The following ITPR2 variants were observed in gnomAD, a reference collection of about 807,000 sequenced individuals.
ITPR2 encodes the protein inositol 1,4,5-trisphosphate receptor type 2.
ITPR2 carries 207 observed loss-of-function variants against 317.1 expected under a neutral mutation model. The observed-to-expected ratio is 0.65, with a 90% CI of 0.58 to 0.73. The LOEUF (loss-of-function observed/expected upper bound fraction) is 0.73. ITPR2 is among the 30% of genes least tolerant of loss of function. The pLI is 0.00. For synonymous variants in ITPR2, 1,156 were observed against 1,149.1 expected (o/e 1.01, Z -0.12); for missense variants, 2,613 against 3,284.0 (o/e 0.80, Z 4.99).
rs552466047 is a variant in ITPR2, at chr12:26,631,904, C to T, written c.2896G>A (p.Val966Met). Residue 966 changes from valine to methionine, a missense_variant, in exon 22 of 57, where the codon GTG becomes ATG. This residue lies in a region of ITPR2 where 817 missense variants were observed against 897.6 expected (regional missense o/e 0.91). Coordinates refer to ENST00000381340, the MANE Select transcript of ITPR2 (RefSeq NM_002223.4). Reference sequence around the variant, plus strand: ...ATGATCTTCAGCTTGGTGTCCATCACAGTCACATCCTCGTGCTCGGTGGGG... The same window carrying T: ...ATGATCTTCAGCTTGGTGTCCATCATAGTCACATCCTCGTGCTCGGTGGGG... ...GSPTEHEDVT[V>M]MDTKLKIIEI... is the part of the protein sequence containing the mutation. 6 of 1,614,124 alleles carry T rather than the reference C, an allele frequency of 3.7e-6. No individual in the cohort carries two copies. Among genetic ancestry groups the T allele is most frequent in the Non-Finnish European group, 4.2e-6 (5 of 1,180,020 alleles).
At chr12:26,409,157 T>C (rs1411883999) in intron 52 of ITPR2, among the ~76,000 whole-genome samples, 6 of 152,070 alleles carry the variant, frequency 3.9e-5, no homozygotes, top group South Asian at 2.1e-4. Context: ...TGCTGAAAAA[T>C]GCTGTTTGAC....
intron 45 of ITPR2, among the ~76,000 whole-genome samples, chr12:26,458,339 G>C (rs529609593): frequency 6.6e-6 from 1 of 152,238 alleles, no homozygotes; most frequent in Middle Eastern, 3.4e-3. Flanking sequence ...ATGGAGAAAA[G>C]GGGCTCTGAG....
In ITPR2 at chr12:26,459,745, T is replaced by G. The variant is rs116961717; in HGVS notation, c.6342+15551A>C. Among the ~76,000 whole-genome samples the G allele has an allele frequency of 7.5e-3, 1,136 of 152,322 alleles. 8 individuals carry two copies. The highest frequency in any genetic ancestry group is 0.02 in the Middle Eastern group (6 of 294). On this transcript the variant is annotated intron_variant, in intron 45 of 56. Coordinates refer to ENST00000381340, the MANE Select transcript of ITPR2 (RefSeq NM_002223.4). ...TTCCAATTGATTTTCCCAGGAAATC[T>G]CATCTACATCTGCAATTTCAAACAG...
intron 41 of ITPR2, 21 bp downstream of exon 41, chr12:26,486,083 C>T: frequency 6.2e-7 from 1 of 1,611,794 alleles, no homozygotes. Context: ...TCTCAGCTTT[C>T]ACACAAAACA....
chr12:26,411,451 T>C lies in ITPR2; in HGVS notation c.7307-39A>G, dbSNP rs765389176. 5.1e-6 allele frequency: 7 copies of C among 1,369,658 alleles called. No individual in the cohort carries two copies. In the Admixed American group the frequency reaches 1.0e-4, roughly 20 times the overall value. The allele number at this position is 1,369,658 out of a possible 1,614,324, so 84.8% of individuals were successfully genotyped here. A position where few individuals can be genotyped will look rare whatever the true frequency, so the allele number is the denominator to read the frequency against. On this transcript the variant is annotated intron_variant, in intron 51 of 56. Coordinates refer to ENST00000381340, the MANE Select transcript of ITPR2 (RefSeq NM_002223.4). ...AAGTAGTATATAATATAGAGTCAAA[T>C]ATGCACATGATGAAAACTGAACCTA...
chr12:26,713,682 A>G (rs1350764384), intron 8 of ITPR2, among the ~76,000 whole-genome samples: 1 of 152,220 alleles, frequency 6.6e-6, no homozygotes, highest in African/African-American at 2.4e-5. Context: ...ACTCAGAACC[A>G]ATATTAAATA....
chr12:26,815,937 C>A (rs910314106), intron 1 of ITPR2, among the ~76,000 whole-genome samples: 3 of 151,474 alleles, frequency 2.0e-5, no homozygotes, highest in Non-Finnish European at 4.4e-5. Context: ...ACTAAAAATA[C>A]AAAAAATTAG....
intron 34 of ITPR2, among the ~76,000 whole-genome samples, chr12:26,563,754 G>GT (rs1200542227): frequency 6.6e-6 from 1 of 152,170 alleles, no homozygotes; most frequent in Non-Finnish European, 1.5e-5. Context: ...GAAAGCCTGA[G>GT]TATCATTTGG....
chr12:26,364,592 G>T lies in ITPR2; in HGVS notation c.7857+22842C>A, dbSNP rs115850284. Among the ~76,000 whole-genome samples, 665 of 152,070 alleles carry T rather than the reference G, an allele frequency of 4.4e-3. 7 individuals are homozygous for T. Among genetic ancestry groups the T allele is most frequent in the African/African-American group, 0.015 (626 of 41,464 alleles). On this transcript the variant is annotated intron_variant, in intron 55 of 56. Transcript: ENST00000381340. ...AGGTTACATCTGTTTATCTCGGTCTGGTCAACTATTCAAATCATAAAACCA... is the reference window on the plus strand; with the variant it reads ...AGGTTACATCTGTTTATCTCGGTCTTGTCAACTATTCAAATCATAAAACCA...
chr12:26,489,288 T>C (rs1398742553), intron 39 of ITPR2, among the ~76,000 whole-genome samples: 1 of 152,124 alleles, frequency 6.6e-6, no homozygotes, highest in African/African-American at 2.4e-5. Flanking sequence ...TCAACAGATA[T>C]GTGTGACAGG....
intron 31 of ITPR2, among the ~76,000 whole-genome samples, chr12:26,596,385 G>C (rs978710806): frequency 6.6e-6 from 1 of 152,156 alleles, no homozygotes; most frequent in Non-Finnish European, 1.5e-5. Flanking sequence ...GGTGGCTCAC[G>C]CCTGTAAATC....
intron 21 of ITPR2, among the ~76,000 whole-genome samples, chr12:26,632,476 A>T (rs1946777206): frequency 6.6e-6 from 1 of 152,236 alleles, no homozygotes; most frequent in South Asian, 2.1e-4. Context: ...GCCTAAAAAC[A>T]TTTAGATATT....
intron 1 of ITPR2, among the ~76,000 whole-genome samples, chr12:26,817,489 G>T (rs1384160541): frequency 1.3e-5 from 2 of 152,156 alleles, no homozygotes; most frequent in Non-Finnish European, 2.9e-5. Context: ...CTGCTTTTCA[G>T]CCCCACTACA....
At chr12:26,758,030 G>A (rs949427135) in intron 2 of ITPR2, among the ~76,000 whole-genome samples, 3 of 152,120 alleles carry the variant, frequency 2.0e-5, no homozygotes, top group African/African-American at 7.2e-5. Context: ...ATTTGATTCT[G>A]AAGTAACTGT....
intron 2 of ITPR2, among the ~76,000 whole-genome samples, chr12:26,762,898 T>C (rs1162651183): frequency 6.6e-6 from 1 of 152,118 alleles, no homozygotes; most frequent in Non-Finnish European, 1.5e-5. Context: ...CTTTAACTTA[T>C]CCTGGGAGGA....
intron 2 of ITPR2, among the ~76,000 whole-genome samples, chr12:26,755,334 T>A (rs1212646771): frequency 1.3e-5 from 2 of 152,202 alleles, no homozygotes; most frequent in African/African-American, 4.8e-5. Flanking sequence ...CTGATAACTT[T>A]GGAGATTGTG....
At chr12:26,514,191 TG>T (rs750382638) in intron 37 of ITPR2, among the ~76,000 whole-genome samples, 20 of 152,128 alleles carry the variant, frequency 1.3e-4, no homozygotes, top group Non-Finnish European at 2.5e-4. Context: ...CTAACTACGA[TG>T]TTTTTTTAAA....
At chr12:26,812,279 T>A (rs996995475) in intron 1 of ITPR2, among the ~76,000 whole-genome samples, 5 of 151,580 alleles carry the variant, frequency 3.3e-5, no homozygotes, top group Non-Finnish European at 5.9e-5. Flanking sequence ...TTTACCATTT[T>A]AAAAAAAACC....
chr12:26,486,584 G>A lies in ITPR2; in HGVS notation c.5555-224C>T, dbSNP rs1942674587. On this transcript the variant is annotated intron_variant, in intron 40 of 56. Coordinates refer to ENST00000381340, the MANE Select transcript of ITPR2 (RefSeq NM_002223.4). Reference sequence around the variant, plus strand: ...CTTAGCAAATTTTAAAAGCACTCATGTCTTTCTGATATATACATATATATA... The same window carrying A: ...CTTAGCAAATTTTAAAAGCACTCATATCTTTCTGATATATACATATATATA... 2.6e-5 allele frequency among the ~76,000 whole-genome samples: 4 copies of A among 152,106 alleles called. No individual in the cohort carries two copies. The South Asian group carries it at 6.2e-4, about 24-fold the overall frequency.
Sources: allele counts gnomAD v4.1 joint callset (sites outside exome capture counted in the v4.1 genomes callset), GRCh38; gene constraint gnomAD v4.1.1; regional missense constraint gnomAD v4.1.1; transcripts MANE v1.5; gene names NCBI Gene and HGNC (gene_info 2026-07-23, HGNC 2026-07-21).